FBXL18: variants seen among roughly 807,000 people sequenced by gnomAD.
FBXL18 encodes F-box and leucine rich repeat protein 18, also known as F-box/LRR-repeat protein 18.
Under a neutral mutation model 46.0 loss-of-function variants are expected in FBXL18, and 36 were observed. That is an observed-to-expected ratio of 0.78 (90% CI 0.60 to 1.03). FBXL18 has a LOEUF of 1.03. FBXL18 is among the 50% of genes least tolerant of loss of function. The pLI is 0.00. For synonymous variants in FBXL18, 557 were observed against 465.3 expected, an observed-to-expected ratio of 1.20 and a Z score of -2.54; for missense variants, 977 against 1,004.1, an observed-to-expected ratio of 0.97 and a Z score of 0.36.
intron 4 of FBXL18, among the ~76,000 whole-genome samples, chr7:5,457,094 T>C (rs765281639): frequency 6.6e-6 from 1 of 152,186 alleles, no homozygotes; most frequent in African/African-American, 2.4e-5. Flanking sequence ...ACACACAGAC[T>C]TGTGGGTGAT....
chr7:5,495,066 T>TGACCTGACTCGAGTGACCGGCAGCGTC (rs1386610552), intron 3 of FBXL18, among the ~76,000 whole-genome samples: 2 of 152,136 alleles, frequency 1.3e-5, no homozygotes, highest in East Asian at 3.9e-4. Flanking sequence ...GTGGCAGAGC[T>TGACCTGACTCGAGTGACCGGCAGCGTC]GACCTGACTC....
At chr7:5,492,266 C>T (rs1021626024) in intron 3 of FBXL18, among the ~76,000 whole-genome samples, 1 of 150,568 alleles carries the variant, frequency 6.6e-6, no homozygotes, top group Non-Finnish European at 1.5e-5. Flanking sequence ...GGCCATGTCT[C>T]GAAGTACAGT....
chr7:5,459,569 T>C (rs1409394374), intron 4 of FBXL18, among the ~76,000 whole-genome samples: 3 of 151,656 alleles, frequency 2.0e-5, no homozygotes, highest in Non-Finnish European at 2.9e-5. Context: ...TGAAACCCCG[T>C]CTCTACTAAA....
chr7:5,505,442 G>A lies in FBXL18; in HGVS notation c.207C>T (p.Ile69=), dbSNP rs1313430632. The A allele has an allele frequency of 6.2e-7, 1 of 1,614,138 alleles. No individual in the cohort carries two copies. Among genetic ancestry groups the A allele is most frequent in the Non-Finnish European group, 8.5e-7 (1 of 1,180,032 alleles). ...AGTCCTTTTGCAGCAACACGGTGTG[G>A]ATGAGGCTCTTGTCAAGGCACAGGG... ...LAALCLDKSL[I]HTVLLQKDYQ... is the part of the protein sequence containing the mutation. Residue 69 remains isoleucine (I), a synonymous_variant, in exon 2 of 5, where the codon ATC becomes ATT. Transcript: ENST00000382368.
In FBXL18 at chr7:5,480,204, CG is replaced by C. The variant is rs1035660423; in HGVS notation, c.*1570del. 8.5e-5 allele frequency among the ~76,000 whole-genome samples: 13 copies of C among 152,262 alleles called. No homozygotes were observed. The highest frequency in any genetic ancestry group is 1.9e-4 in the Non-Finnish European group (13 of 68,028). ...CCCACAGGACGGGGCATCTGTCACA[CG>C]GAAACCCAGGAGGAGGAAGGCGGGC... On this transcript the variant is annotated 3_prime_UTR_variant, in exon 5 of 5. Coordinates refer to ENST00000382368, the MANE Select transcript of FBXL18 (RefSeq NM_024963.6).
rs775900238 is a variant in FBXL18, at chr7:5,502,055, G to A, written c.238-24C>T. ...GCCTGCGGGACAGAGGCAGGGTGGG[G>A]AGAGGAAGGAAAGGGCTGAAGGCAC... On this transcript the variant is annotated intron_variant, in intron 2 of 4. Transcript: ENST00000382368. 2.9e-5 allele frequency: 45 copies of A among 1,528,180 alleles called. No homozygotes were observed. In the Admixed American group the frequency reaches 6.6e-4, roughly 22 times the overall value. The allele number at this position is 1,528,180 out of a possible 1,614,324, so 94.7% of individuals were successfully genotyped here.
At chr7:5,489,983 A>T in intron 4 of FBXL18, 2 of 1,284,004 alleles carry the variant, frequency 1.6e-6, no homozygotes, top group Non-Finnish European at 2.1e-6. Flanking sequence ...GCATAGTCTA[A>T]ATTTTTAAAA....
chr7:5,462,509 G>A (rs958754891), intron 4 of FBXL18, among the ~76,000 whole-genome samples: 1 of 152,112 alleles, frequency 6.6e-6, no homozygotes, highest in African/African-American at 2.4e-5. Context: ...GCTGGGTCAG[G>A]CGTTGCAGGC....
intron 3 of FBXL18, among the ~76,000 whole-genome samples, chr7:5,491,661 C>A (rs940463575): frequency 1.3e-5 from 2 of 152,294 alleles, no homozygotes; most frequent in South Asian, 4.1e-4. Context: ...TGGAGGCGAC[C>A]CGGTGGGCCT....
chr7:5,509,419 C>T (rs1784472624), intron 1 of FBXL18, among the ~76,000 whole-genome samples: 1 of 152,084 alleles, frequency 6.6e-6, no homozygotes, highest in East Asian at 1.9e-4. Context: ...TTTGGACAGG[C>T]GCGGTGGCTC....
Position 5,465,009 on chromosome 7 carries a change from G to A in FBXL18, c.2001-17166C>T, listed in dbSNP as rs1353021030. The stretch of plus-strand genomic sequence containing the variant: ...ACCCAGGAGATGGAGGTTGCAGTGA[G>A]CCGAGACTGTGCCATTGCACTCCAG... On this transcript the variant is annotated intron_variant and NMD_transcript_variant, in intron 4 of 6. Transcript: ENST00000415009. Among the ~76,000 whole-genome samples, 6 of 152,208 alleles carry A rather than the reference G, an allele frequency of 3.9e-5. No homozygotes were observed. The East Asian group carries it at 7.7e-4, about 20-fold the overall frequency.
At chr7:5,475,081 G>T (rs1389323629), downstream of FBXL18, among the ~76,000 whole-genome samples, 1 of 150,402 alleles carries the variant, frequency 6.6e-6, no homozygotes, top group Non-Finnish European at 1.5e-5. This position sits in a 1 kb window ranked among gnomAD's most constrained non-coding sequence, Gnocchi z 4.2. Context: ...CACTTTGGGA[G>T]GCCGAGGCGG....
rs1783919762 is a variant in FBXL18, at chr7:5,491,342, G to T, written c.1889C>A (p.Pro630His). 6.2e-7 allele frequency: 1 copy of T among 1,611,676 alleles called. No individual in the cohort carries two copies. The highest frequency in any genetic ancestry group is 8.5e-7 in the Non-Finnish European group (1 of 1,179,454). Residue 630 changes from proline to histidine, a missense_variant, in exon 4 of 5, where the codon CCC (proline) becomes CAC (histidine). Transcript: ENST00000382368. ...AGCCATGAAGGCCAGCACGGCATCG[G>T]GCTGGAGGGTGCCGCTGCGAGAGAC... is the stretch of plus-strand genomic sequence containing the variant. ...CLVSRSGTLQPDAVLAFMARC... is the reference protein window; with the variant it reads ...CLVSRSGTLQHDAVLAFMARC...
At chr7:5,463,740 T>TTTA (rs1783298242) in intron 4 of FBXL18, among the ~76,000 whole-genome samples, 3 of 29,250 alleles carry the variant, frequency 1.0e-4, no homozygotes, top group Non-Finnish European at 2.5e-4. Context: ...TTTTTTTTTT[T>TTTA]TTTTTTTTTT....
At position 5,501,645 on chromosome 7, in the gene FBXL18, G is replaced by GC. The variant is rs1309130396; in HGVS notation, c.623dup (p.Glu209ArgfsTer47). 6.2e-7 allele frequency: 1 copy of GC among 1,612,862 alleles called. No homozygotes were observed. Among genetic ancestry groups the GC allele is most frequent in the Admixed American group, 1.7e-5 (1 of 59,936 alleles). Reference sequence around the variant, plus strand: ...GCTGGCCCGAGAGGATGGCGCCCTCGCGCGTGCGGTCCAGAATCTCGAAGT... The same window carrying GC: ...GCTGGCCCGAGAGGATGGCGCCCTCGCCGCGTGCGGTCCAGAATCTCGAAGT... On this transcript the variant is annotated frameshift_variant, in exon 3 of 5. Transcript: ENST00000382368. LOFTEE classifies it high-confidence loss of function.
chr7:5,464,676 A>G (rs1430829259), intron 4 of FBXL18, among the ~76,000 whole-genome samples: 1 of 143,024 alleles, frequency 7.0e-6, no homozygotes, highest in African/African-American at 2.6e-5. Context: ...AAAAAAAAAA[A>G]AAAAAAACAC....
intron 4 of FBXL18, among the ~76,000 whole-genome samples, chr7:5,470,208 T>C (rs1783405843): frequency 6.6e-6 from 1 of 152,136 alleles, no homozygotes; most frequent in African/African-American, 2.4e-5. Flanking sequence ...CTCAGCTGCA[T>C]GCTGGCCGAG....
intron 3 of FBXL18, among the ~76,000 whole-genome samples, chr7:5,493,111 G>A (rs1174200874): frequency 6.6e-6 from 1 of 152,154 alleles, no homozygotes; most frequent in Non-Finnish European, 1.5e-5. Flanking sequence ...AAGGCAGGAG[G>A]ATCACTTGAG....
Position 5,456,431 on chromosome 7 carries a change from C to T in FBXL18, c.2001-8588G>A, listed in dbSNP as rs1469033071. Among the ~76,000 whole-genome samples, 3 of 152,244 alleles carry T rather than the reference C, an allele frequency of 2.0e-5. No individual in the cohort carries two copies. In the East Asian group the frequency reaches 5.8e-4, roughly 29 times the overall value. Reference sequence around the variant, plus strand: ...GTGCTCGCACAGAAACCCCTCATCTCACGCGGTCAATTACAAACCCTGGGA... The same window carrying T: ...GTGCTCGCACAGAAACCCCTCATCTTACGCGGTCAATTACAAACCCTGGGA... On this transcript the variant is annotated intron_variant and NMD_transcript_variant, in intron 4 of 6. Transcript: ENST00000415009.
Sources: allele counts gnomAD v4.1 joint callset (sites outside exome capture counted in the v4.1 genomes callset), GRCh38; gene constraint gnomAD v4.1.1; non-coding constraint Gnocchi (gnomAD v3.1); transcripts MANE v1.5; gene names NCBI Gene and HGNC (gene_info 2026-07-23, HGNC 2026-07-21).